KCNH1: variants seen among roughly 807,000 people sequenced by gnomAD.
KCNH1 encodes potassium voltage-gated channel subfamily H member 1, also known as voltage-gated delayed rectifier potassium channel KCNH1.
KCNH1 carries 27 observed loss-of-function variants against 69.2 expected under a neutral mutation model. The observed-to-expected ratio is 0.39, with a 90% CI of 0.29 to 0.54. KCNH1 has a LOEUF of 0.54. KCNH1 is among the 20% of genes least tolerant of loss of function. The probability of loss-of-function intolerance (pLI) is 0.68; values close to 1 mark genes in which losing one functional copy is unlikely to be tolerated. For synonymous variants in KCNH1, 456 were observed against 487.7 expected (o/e 0.93, Z 0.86); for missense variants, 798 against 1,261.6 (o/e 0.63, Z 5.57).
At chr1:210,952,718 G>A (rs966382432) in intron 6 of KCNH1, among the ~76,000 whole-genome samples, 1 of 151,924 alleles carries the variant, frequency 6.6e-6, no homozygotes, top group African/African-American at 2.4e-5. Context: ...AACCTGCCAA[G>A]TGTTCTTACT....
At chr1:210,984,325 T>C (rs1439019735) in intron 6 of KCNH1, among the ~76,000 whole-genome samples, 1 of 152,188 alleles carries the variant, frequency 6.6e-6, no homozygotes, top group Non-Finnish European at 1.5e-5. Context: ...ATAGGAGTGG[T>C]GAGAGAGGGC....
intron 10 of KCNH1, among the ~76,000 whole-genome samples, chr1:210,718,256 AATATTATAAAT>A (rs1350809880): frequency 4.9e-5 from 2 of 40,802 alleles, no homozygotes; most frequent in African/African-American, 1.6e-4. Flanking sequence ...GTCTTCTATA[AATATTATAAAT>A]ATATGTGCAT....
At chr1:210,702,819 C>G (rs1294816473) in intron 10 of KCNH1, among the ~76,000 whole-genome samples, 1 of 151,646 alleles carries the variant, frequency 6.6e-6, no homozygotes, top group African/African-American at 2.4e-5. Context: ...TTAGCCCCTT[C>G]TGCATCTGTG....
chr1:210,757,071 T>A (rs1323617593), intron 10 of KCNH1, among the ~76,000 whole-genome samples: 14 of 152,198 alleles, frequency 9.2e-5, no homozygotes, highest in South Asian at 2.1e-4. Flanking sequence ...CCTCTTCCAA[T>A]TGGTGACTCT....
At chr1:211,095,470 T>G (rs1434483510) in intron 3 of KCNH1, among the ~76,000 whole-genome samples, 1 of 152,192 alleles carries the variant, frequency 6.6e-6, no homozygotes, top group African/African-American at 2.4e-5. Context: ...TGTAGCTCCC[T>G]TAGGTCATGT....
In KCNH1 at chr1:210,682,611, C is replaced by G. The variant is rs1380401923; in HGVS notation, c.*670G>C. ...TAAGGGCCCCTCTCCAGCTCTTACC[C>G]TTGCCTCACCTCCTTTGGGGAAGGA... is the stretch of plus-strand genomic sequence containing the variant. On this transcript the variant is annotated 3_prime_UTR_variant, in exon 11 of 11. Transcript: ENST00000271751. The G allele has an allele frequency of 2.0e-5, 3 of 152,874 alleles. No individual in the cohort carries two copies. Among genetic ancestry groups the G allele is most frequent in the Non-Finnish European group, 4.4e-5 (3 of 68,596 alleles). 9.5% of individuals were successfully genotyped at this position (152,874 alleles called of 1,614,324 possible).
At chr1:211,112,470 C>T (rs142800082) in intron 1 of KCNH1, among the ~76,000 whole-genome samples, 4,904 of 146,712 alleles carry the variant, frequency 0.033, 154 homozygotes, top group Admixed American at 0.08. Flanking sequence ...TTTGCATTTT[C>T]GACATTAAAG....
intron 7 of KCNH1, among the ~76,000 whole-genome samples, chr1:210,886,883 A>T (rs1686621625): frequency 6.6e-6 from 1 of 152,144 alleles, no homozygotes; most frequent in African/African-American, 2.4e-5. Context: ...GCCTATAAGA[A>T]AAGTGGGACT....
intron 6 of KCNH1, among the ~76,000 whole-genome samples, chr1:210,976,324 A>C (rs970271601): frequency 2.0e-5 from 3 of 149,128 alleles, no homozygotes; most frequent in Non-Finnish European, 4.5e-5. Context: ...GGCACTATTC[A>C]CAATAGCAAA....
intron 7 of KCNH1, among the ~76,000 whole-genome samples, chr1:210,805,941 CTA>C (rs1314410138): frequency 6.6e-6 from 1 of 152,190 alleles, no homozygotes; most frequent in Non-Finnish European, 1.5e-5. Flanking sequence ...GAACACTACT[CTA>C]TTGTGTGGAT....
At position 210,844,955 on chromosome 1, in the gene KCNH1, C is replaced by T. The variant is rs778603887; in HGVS notation, c.1463-40789G>A. The stretch of plus-strand genomic sequence containing the variant: ...TCAGAGAATACTATAAACACCTCTA[C>T]GCAAATAAACTAGAAAATCTAGAAG... On this transcript the variant is annotated intron_variant, in intron 7 of 10. Coordinates refer to ENST00000271751, the MANE Select transcript of KCNH1 (RefSeq NM_172362.3). 2.7e-3 allele frequency among the ~76,000 whole-genome samples: 416 copies of T among 152,146 alleles called. 7 individuals are homozygous for T. Among genetic ancestry groups the T allele is most frequent in the Non-Finnish European group, 2.1e-3 (144 of 67,990 alleles).
chr1:210,736,693 A>C (rs1472051856), intron 10 of KCNH1, among the ~76,000 whole-genome samples: 1 of 152,198 alleles, frequency 6.6e-6, no homozygotes, highest in East Asian at 1.9e-4. Flanking sequence ...CACCCCAAAT[A>C]ATCCTGAGCA....
intron 1 of KCNH1, among the ~76,000 whole-genome samples, chr1:211,110,917 A>G (rs913560877): frequency 6.6e-6 from 1 of 152,164 alleles, no homozygotes; most frequent in Admixed American, 6.5e-5. Context: ...GGCAGAAACT[A>G]TAAGAAGAAA....
intron 7 of KCNH1, among the ~76,000 whole-genome samples, chr1:210,814,318 A>G (rs1684770536): frequency 6.6e-6 from 1 of 152,126 alleles, no homozygotes; most frequent in Admixed American, 6.6e-5. Flanking sequence ...AATAAGTGGG[A>G]TAATATATAA....
At chr1:210,998,154 C>T (rs1436484323) in intron 6 of KCNH1, among the ~76,000 whole-genome samples, 1 of 152,076 alleles carries the variant, frequency 6.6e-6, no homozygotes. Context: ...CCAAATACTG[C>T]ATAACAATAT....
chr1:210,775,665 A>G, intron 9 of KCNH1, 121 bp from the exon 10 acceptor site: 1 of 657,962 alleles, frequency 1.5e-6, no homozygotes. Context: ...GGGCTCAGAG[A>G]AGGCAAACAC....
At chr1:210,880,311 G>A (rs1686468583) in intron 7 of KCNH1, among the ~76,000 whole-genome samples, 1 of 152,148 alleles carries the variant, frequency 6.6e-6, no homozygotes, top group South Asian at 2.1e-4. Flanking sequence ...AACAAAACTA[G>A]AGGAGTGACA....
At chr1:211,050,989 T>TTTGTTGTTGTTGTTGTTGTTGTTG (rs6143600) in intron 5 of KCNH1, among the ~76,000 whole-genome samples, 5 of 150,498 alleles carry the variant, frequency 3.3e-5, no homozygotes, top group Admixed American at 6.6e-5. Context: ...ATATTTTTGT[T>TTTGTTGTTGTTGTTGTTGTTGTTG]TTGTTGTTGT....
At chr1:210,960,657 A>G (rs1574362992) in intron 6 of KCNH1, among the ~76,000 whole-genome samples, 1 of 152,324 alleles carries the variant, frequency 6.6e-6, no homozygotes, top group East Asian at 1.9e-4. Context: ...ATACTTACCC[A>G]TTACCTATTG....
Sources: gnomAD v4.1 joint callset for allele counts (sites outside exome capture counted in the v4.1 genomes callset) on GRCh38, gnomAD v4.1.1 for gene constraint, MANE v1.5 for transcripts, NCBI Gene and HGNC (gene_info 2026-07-23, HGNC 2026-07-21) for gene names.